Variants in RPS6KC1 observed in about 807,000 individuals in gnomAD.
RPS6KC1 encodes the protein inactive ribosomal protein S6 kinase delta-1.
In RPS6KC1, 54 loss-of-function variants were observed where a neutral mutation model predicts 103.8. The observed-to-expected ratio is 0.52, with a 90% CI of 0.42 to 0.65. RPS6KC1 has a LOEUF of 0.65. Ranked by LOEUF, RPS6KC1 falls within the 30% of genes least tolerant of loss-of-function variation. The probability of loss-of-function intolerance (pLI) is 0.00; values close to 1 mark genes in which losing one functional copy is unlikely to be tolerated. For missense variants in RPS6KC1, 1,151 were observed against 1,253.8 expected (o/e 0.92, Z 1.24); for synonymous variants, 439 against 438.7 (o/e 1.00, Z -0.01).
intron 8 of RPS6KC1, among the ~76,000 whole-genome samples, chr1:213,182,236 A>T (rs1042330689): frequency 2.0e-5 from 3 of 152,306 alleles, no homozygotes; most frequent in African/African-American, 7.2e-5. Context: ...TCACATCTGT[A>T]ATTCCAGCAC....
At chr1:213,652,624 G>T in the RPS6KC1 span, among the ~76,000 whole-genome samples, 1 of 152,182 alleles carries the variant, frequency 6.6e-6, no homozygotes, top group Admixed American at 6.5e-5. Context: ...AGGCTTTGCG[G>T]CTTCTGGTTC....
At chr1:213,604,679 C>T in the RPS6KC1 span, among the ~76,000 whole-genome samples, 1 of 152,144 alleles carries the variant, frequency 6.6e-6, no homozygotes, top group Non-Finnish European at 1.5e-5. Context: ...CTGCCGACAC[C>T]CTGACTCTCG....
chr1:213,714,016 CTCTG>C, the RPS6KC1 span, among the ~76,000 whole-genome samples: 1 of 152,194 alleles, frequency 6.6e-6, no homozygotes, highest in Admixed American at 6.5e-5. Context: ...AATATGCATA[CTCTG>C]TCTGCCTTGG....
chr1:213,357,103 CCT>C, the RPS6KC1 span, among the ~76,000 whole-genome samples: 3 of 151,714 alleles, frequency 2.0e-5, no homozygotes, highest in Non-Finnish European at 4.4e-5. Flanking sequence ...CTGTGCAGCA[CCT>C]ACATCGGGAT....
intron 4 of RPS6KC1, among the ~76,000 whole-genome samples, chr1:213,106,854 G>A (rs908242217): frequency 1.7e-4 from 26 of 152,198 alleles, no homozygotes; most frequent in African/African-American, 5.8e-4. Flanking sequence ...TATTAGTACA[G>A]TTACTAATTA....
At chr1:213,852,800 T>A in the RPS6KC1 span, among the ~76,000 whole-genome samples, 3 of 152,308 alleles carry the variant, frequency 2.0e-5, no homozygotes, top group East Asian at 5.8e-4. Context: ...ATATTCACCA[T>A]CTATTTATCT....
the RPS6KC1 span, among the ~76,000 whole-genome samples, chr1:213,469,785 G>A: frequency 6.6e-6 from 1 of 152,196 alleles, no homozygotes; most frequent in African/African-American, 2.4e-5. Context: ...GGGAGGCCAA[G>A]GCAGGAGGAT....
the RPS6KC1 span, among the ~76,000 whole-genome samples, chr1:213,343,025 A>T: frequency 1.3e-5 from 2 of 152,060 alleles, no homozygotes; most frequent in African/African-American, 4.8e-5. Flanking sequence ...CATACCTGTG[A>T]TCCCTGTCTC....
chr1:213,267,690 C>G (rs1051120668), intron 14 of RPS6KC1, among the ~76,000 whole-genome samples: 1 of 151,414 alleles, frequency 6.6e-6, no homozygotes, highest in African/African-American at 2.4e-5. Context: ...AATGAATCAA[C>G]AAAGAGATTC....
At chr1:213,613,349 C>T in the RPS6KC1 span, among the ~76,000 whole-genome samples, 1 of 152,202 alleles carries the variant, frequency 6.6e-6, no homozygotes, top group East Asian at 1.9e-4. Flanking sequence ...AAGAAAGCAC[C>T]AGTCACGATC....
the RPS6KC1 span, among the ~76,000 whole-genome samples, chr1:213,700,093 C>T: frequency 1.3e-5 from 2 of 151,470 alleles, no homozygotes; most frequent in Non-Finnish European, 2.9e-5. Flanking sequence ...GTTGCTTGAG[C>T]TTGTAGGGTA....
At chr1:213,641,442 G>A in the RPS6KC1 span, among the ~76,000 whole-genome samples, 10 of 151,996 alleles carry the variant, frequency 6.6e-5, no homozygotes, top group African/African-American at 1.9e-4. Context: ...ATTTAGACCC[G>A]AAGTTTCGAT....
At chr1:213,662,111 A>AC in the RPS6KC1 span, among the ~76,000 whole-genome samples, 1 of 151,900 alleles carries the variant, frequency 6.6e-6, no homozygotes, top group African/African-American at 2.4e-5. Flanking sequence ...TCTTTTTATG[A>AC]CCCCCACTCC....
chr1:213,225,924 A>G (rs959184302), intron 8 of RPS6KC1, among the ~76,000 whole-genome samples: 2 of 152,174 alleles, frequency 1.3e-5, no homozygotes, highest in Non-Finnish European at 1.5e-5. Context: ...AAGTGACTTA[A>G]AAGTCACACC....
the RPS6KC1 span, chr1:213,841,522 A>T: frequency 6.6e-6 from 1 of 152,166 alleles, no homozygotes; most frequent in Non-Finnish European, 1.5e-5. Flanking sequence ...AACCTCCCAA[A>T]CAGGAAAACA....
the RPS6KC1 span, among the ~76,000 whole-genome samples, chr1:213,741,040 A>G: frequency 7.0e-6 from 1 of 143,162 alleles, no homozygotes; most frequent in African/African-American, 2.5e-5. Context: ...GTATACATAT[A>G]CAATATAAAA....
chr1:213,123,052 A>C (rs928180189), intron 5 of RPS6KC1, among the ~76,000 whole-genome samples: 4 of 152,218 alleles, frequency 2.6e-5, no homozygotes, highest in Non-Finnish European at 5.9e-5. Context: ...TATAAATGAT[A>C]CACTTAAATG....
At chr1:213,205,547 G>C (rs2817980) in intron 8 of RPS6KC1, among the ~76,000 whole-genome samples, 1 of 102,474 alleles carries the variant, frequency 9.8e-6, no homozygotes, top group African/African-American at 3.7e-5. Context: ...TATATATATA[G>C]ATATATATAT....
At chr1:213,853,240 T>A in the RPS6KC1 span, among the ~76,000 whole-genome samples, 1 of 152,212 alleles carries the variant, frequency 6.6e-6, no homozygotes, top group South Asian at 2.1e-4. Flanking sequence ...TTCAGCCACA[T>A]GGTGGAGGCC....
Sources: allele counts gnomAD v4.1 joint callset (sites outside exome capture counted in the v4.1 genomes callset), GRCh38; gene constraint gnomAD v4.1.1; transcripts MANE v1.5; gene names NCBI Gene and HGNC (gene_info 2026-07-23, HGNC 2026-07-21).